UBE2J2: variants seen among roughly 807,000 people sequenced by gnomAD.
UBE2J2 encodes the protein ubiquitin conjugating enzyme E2 J2, also known as ubiquitin-conjugating enzyme E2 J2.
In UBE2J2, 5 loss-of-function variants were observed where a neutral mutation model predicts 28.6. The ratio of observed to expected loss-of-function variants is 0.17; its 90% CI spans 0.09 to 0.37. The LOEUF is 0.37. UBE2J2 is among the 10% of genes least tolerant of loss of function. UBE2J2 has a pLI of 1.00. For synonymous variants in UBE2J2, 138 were observed against 139.7 expected (o/e 0.99, Z 0.09); for missense variants, 226 against 338.9 (o/e 0.67, Z 2.62).
chr1:1,255,879 C>T (rs1470101095), intron 6 of UBE2J2, among the ~76,000 whole-genome samples, 166 bp downstream of exon 6: 2 of 152,250 alleles, frequency 1.3e-5, no homozygotes, highest in Non-Finnish European at 2.9e-5. Flanking sequence ...AGGCCACCCC[C>T]CAGAGCCCAG....
chr1:1,264,684 G>C (rs1441958486), intron 2 of UBE2J2: 1 of 152,244 alleles, frequency 6.6e-6, no homozygotes, highest in Non-Finnish European at 1.5e-5. Flanking sequence ...GAGGCAGGTG[G>C]ATTGCCTGAG....
intron 6 of UBE2J2, 137 bp downstream of exon 6, chr1:1,255,908 C>T (rs1639147802): frequency 1.4e-6 from 1 of 716,378 alleles, no homozygotes; most frequent in Non-Finnish European, 2.4e-6. Context: ...CCTCCCCTGC[C>T]TCGGGGCTCC....
rs191730192 is a variant in UBE2J2 at position 1,266,649 on chromosome 1, G to A, written c.131+1213C>T. Among the ~76,000 whole-genome samples the A allele has an allele frequency of 5.5e-3, 829 of 151,752 alleles. 7 individuals carry two copies. Among genetic ancestry groups the A allele is most frequent in the African/African-American group, 0.011 (476 of 41,398 alleles). ...ATCCTGGCTAACACGGTGAAACCCC[G>A]TCTCTACTAAAAATACAAAAACAAA... On this transcript the variant is annotated intron_variant, in intron 2 of 6. Coordinates refer to ENST00000349431, the MANE Select transcript of UBE2J2 (RefSeq NM_058167.3).
chr1:1,271,961 C>T (rs139810638), intron 1 of UBE2J2, among the ~76,000 whole-genome samples: 9 of 106,928 alleles, frequency 8.4e-5, no homozygotes, highest in South Asian at 7.2e-4. Flanking sequence ...GCAACAAGAG[C>T]GAAACTCCGT....
Position 1,268,050 on chromosome 1 carries a change from C to T in UBE2J2, c.1-58G>A, listed in dbSNP as rs966565310. 6.9e-6 allele frequency: 11 copies of T among 1,596,784 alleles called. No individual in the cohort carries two copies. In the African/African-American group the frequency reaches 9.4e-5, roughly 14 times the overall value. On this transcript the variant is annotated intron_variant, in intron 1 of 6. Transcript: ENST00000349431. This position sits in a 1 kb window ranked among gnomAD's most constrained non-coding sequence, Gnocchi z 4.7. ...AAGCAGCGCCGGCCACAGCTCTCTCCCCTGGCGCAGCCCCACTCCCGCCTC... is the reference window on the plus strand; with the variant it reads ...AAGCAGCGCCGGCCACAGCTCTCTCTCCTGGCGCAGCCCCACTCCCGCCTC...
intron 2 of UBE2J2, chr1:1,266,336 A>G: frequency 2.6e-6 from 1 of 390,648 alleles, no homozygotes; most frequent in Non-Finnish European, 4.4e-6. Flanking sequence ...TCAAGCCTGT[A>G]ATCCCAGCAC....
At chr1:1,259,552 C>T (rs1415730313) in intron 3 of UBE2J2, among the ~76,000 whole-genome samples, 1 of 152,212 alleles carries the variant, frequency 6.6e-6, no homozygotes, top group African/African-American at 2.4e-5. Flanking sequence ...TGCAGGAACG[C>T]TCATCATCTT....
In UBE2J2 at chr1:1,254,907, GA is replaced by G; in HGVS notation, c.*295del. ...TCTAAGTGACCACATCTAATAAAAT[GA>G]AAAACGGGTTTACTAAAACAGGTCC... On this transcript the variant is annotated 3_prime_UTR_variant, in exon 7 of 7. Transcript: ENST00000349431. 1 of 319,288 alleles carries G rather than the reference GA, an allele frequency of 3.1e-6. No homozygotes were observed. Among genetic ancestry groups the G allele is most frequent in the Non-Finnish European group, 5.7e-6 (1 of 174,940 alleles). The allele number at this position is 319,288 out of a possible 1,614,324, so 19.8% of individuals were successfully genotyped here. A position where few individuals can be genotyped will look rare whatever the true frequency, so the allele number is the denominator to read the frequency against.
rs564692693 is a variant in UBE2J2, at chr1:1,268,263, T to C, written c.1-271A>G. On this transcript the variant is annotated intron_variant, in intron 1 of 6. Coordinates refer to ENST00000349431, the MANE Select transcript of UBE2J2 (RefSeq NM_058167.3). The surrounding 1 kb of genome is among the most constrained non-coding windows in gnomAD (Gnocchi z 4.7). The stretch of plus-strand genomic sequence containing the variant: ...GAGGAGAAACCCAAAGCCTCGTTCC[T>C]GTCCTCCAAAAACTCACGCAGGGAT... 1.3e-5 allele frequency among the ~76,000 whole-genome samples: 2 copies of C among 152,242 alleles called. No homozygotes were observed. Among genetic ancestry groups the C allele is most frequent in the African/African-American group, 4.8e-5 (2 of 41,542 alleles).
At chr1:1,271,677 C>T (rs1640150526) in intron 1 of UBE2J2, 1 of 152,018 alleles carries the variant, frequency 6.6e-6, no homozygotes, top group Non-Finnish European at 1.5e-5. Flanking sequence ...ACAAGGAAAA[C>T]AAAAATTCAC....
chr1:1,259,727 G>A lies in UBE2J2; in HGVS notation c.173-2417C>T, dbSNP rs374992018. Among the ~76,000 whole-genome samples the A allele has an allele frequency of 1.5e-3, 224 of 151,790 alleles. 1 individual carries two copies. Among genetic ancestry groups the A allele is most frequent in the African/African-American group, 4.6e-3 (189 of 41,362 alleles). On this transcript the variant is annotated intron_variant, in intron 3 of 6. Coordinates refer to ENST00000349431, the MANE Select transcript of UBE2J2 (RefSeq NM_058167.3). Reference sequence around the variant, plus strand: ...TGGTGACCACCCCCCATGTCCCCACGGACCCCACGCCCCACATGGACTGTG... The same window carrying A: ...TGGTGACCACCCCCCATGTCCCCACAGACCCCACGCCCCACATGGACTGTG...
intron 2 of UBE2J2, among the ~76,000 whole-genome samples, chr1:1,265,603 T>TTTTGTGTGTG (rs777241235): frequency 1.7e-5 from 2 of 120,948 alleles, no homozygotes; most frequent in Non-Finnish European, 3.4e-5. Flanking sequence ...TTTCTCTCCA[T>TTTTGTGTGTG]TGTGTGTGTG....
At chr1:1,270,427 C>G (rs974609568) in intron 1 of UBE2J2, among the ~76,000 whole-genome samples, 6 of 152,092 alleles carry the variant, frequency 3.9e-5, no homozygotes, top group Non-Finnish European at 7.4e-5. Context: ...CCCCACACAC[C>G]CAGGGCCTGG....
chr1:1,260,117 C>T (rs900225972), intron 3 of UBE2J2, among the ~76,000 whole-genome samples: 9 of 152,308 alleles, frequency 5.9e-5, no homozygotes, highest in Middle Eastern at 3.4e-3. Context: ...TTCGAGGACA[C>T]GCAGGAACAG....
intron 3 of UBE2J2, chr1:1,262,214 A>G (rs1389538982): frequency 2.4e-6 from 1 of 418,284 alleles, no homozygotes; most frequent in Non-Finnish European, 4.8e-6. Context: ...ACACACACGC[A>G]TCGTAACAAG....
intron 1 of UBE2J2, among the ~76,000 whole-genome samples, chr1:1,269,159 G>A (rs1640023446): frequency 6.6e-6 from 1 of 151,202 alleles, no homozygotes; most frequent in South Asian, 2.1e-4. Context: ...CCCGAGACTG[G>A]GGAGAGGGGT....
In UBE2J2 at chr1:1,255,482, A is replaced by C. The variant is rs1639119251; in HGVS notation, c.501T>G (p.Ile167Met). The stretch of plus-strand genomic sequence containing the variant: ...CGTCTTGTGCTTTCTGTTTTTGTTT[A>C]ATCTCCTAAGAGAAAAACAGCGAGA... ...CELFPEVVEE[I>M]KQKQKAQDEL... Residue 167 changes from isoleucine (I) to methionine (M), a missense_variant, in exon 7 of 7, where the codon ATT becomes ATG. By Grantham distance (10) the Ile-to-Met change is conservative. Around this residue, in one of 3 missense-constraint regions of UBE2J2, gnomAD observed 133 missense variants for 161.5 expected, o/e 0.82. Coordinates refer to ENST00000349431, the MANE Select transcript of UBE2J2 (RefSeq NM_058167.3). The C allele has an allele frequency of 6.2e-7, 1 of 1,607,698 alleles. No individual in the cohort carries two copies. Among genetic ancestry groups the C allele is most frequent in the Admixed American group, 1.7e-5 (1 of 59,768 alleles).
At chr1:1,262,415 T>C (rs1639618162) in intron 3 of UBE2J2, 1 of 431,716 alleles carries the variant, frequency 2.3e-6, no homozygotes, top group African/African-American at 2.0e-5. Context: ...AGTCCACAGG[T>C]GTGGCTGTGT....
chr1:1,255,680 C>T (rs1457925221), intron 6 of UBE2J2, among the ~76,000 whole-genome samples, 193 bp from the exon 7 acceptor site: 1 of 152,220 alleles, frequency 6.6e-6, no homozygotes, highest in African/African-American at 2.4e-5. Context: ...GGCCCCTGCA[C>T]TCAGGCAGAC....
Sources: allele counts gnomAD v4.1 joint callset (sites outside exome capture counted in the v4.1 genomes callset), GRCh38; gene constraint gnomAD v4.1.1; regional missense constraint gnomAD v4.1.1; non-coding constraint Gnocchi (gnomAD v3.1); transcripts MANE v1.5; gene names NCBI Gene and HGNC (gene_info 2026-07-23, HGNC 2026-07-21).